Variants in ACSL5 observed in about 807,000 individuals in gnomAD.
ACSL5 encodes the protein long-chain-fatty-acid--CoA ligase 5.
In ACSL5, 50 loss-of-function variants were observed where a neutral mutation model predicts 84.9. The observed-to-expected ratio is 0.59, with a 90% CI of 0.47 to 0.75. ACSL5 has a LOEUF of 0.75. Ranked by LOEUF, ACSL5 falls within the 30% of genes least tolerant of loss-of-function variation. ACSL5 has a pLI of 0.00. For missense variants in ACSL5, 775 were observed against 830.4 expected, an observed-to-expected ratio of 0.93 and a Z score of 0.82; for synonymous variants, 280 against 300.7, an observed-to-expected ratio of 0.93 and a Z score of 0.71.
At chr10:112,407,928 T>C (rs568832263) in intron 5 of ACSL5, among the ~76,000 whole-genome samples, 1 of 152,276 alleles carries the variant, frequency 6.6e-6, no homozygotes, top group Admixed American at 6.5e-5. Flanking sequence ...TGTATTGCAG[T>C]TGTCCCTGTG....
intron 1 of ACSL5, 104 bp from the exon 2 acceptor site, chr10:112,394,814 G>C (rs1464798775): frequency 6.6e-7 from 1 of 1,521,242 alleles, no homozygotes; most frequent in Non-Finnish European, 8.8e-7. Flanking sequence ...GCGCGCGTGT[G>C]TGTGTGTATG....
At chr10:112,421,830 T>C in intron 15 of ACSL5, 117 bp from the exon 16 acceptor site, 1 of 1,322,656 alleles carries the variant, frequency 7.6e-7, no homozygotes. Context: ...TCTGCATTGG[T>C]GCCAGGTGAT....
chr10:112,402,582 T>G (rs2133610692), intron 3 of ACSL5, among the ~76,000 whole-genome samples: 1 of 152,356 alleles, frequency 6.6e-6, no homozygotes, highest in South Asian at 2.1e-4. Context: ...TGCAGCTGTT[T>G]CAATTGGAAG....
chr10:112,400,196 A>G (rs574888857), intron 3 of ACSL5, among the ~76,000 whole-genome samples: 6 of 152,216 alleles, frequency 3.9e-5, no homozygotes, highest in South Asian at 4.2e-4. Context: ...CTAATACAGT[A>G]TAATTTCCTT....
chr10:112,419,974 A>T (rs1844417534), intron 14 of ACSL5: 1 of 152,192 alleles, frequency 6.6e-6, no homozygotes, highest in African/African-American at 2.4e-5. Context: ...ATGGATAATT[A>T]GTTCATTCAT....
At chr10:112,425,309 A>G in intron 17 of ACSL5, 29 bp from the exon 18 acceptor site, 1 of 1,583,568 alleles carries the variant, frequency 6.3e-7, no homozygotes, top group Non-Finnish European at 8.6e-7. Context: ...TGGCTCAAAA[A>G]TACTGATACT....
chr10:112,391,913 A>G (rs546889790), intron 1 of ACSL5, among the ~76,000 whole-genome samples: 12 of 152,218 alleles, frequency 7.9e-5, no homozygotes, highest in African/African-American at 2.2e-4. Flanking sequence ...CTTTTCTCCC[A>G]TATGTATTAC....
Position 112,409,584 on chromosome 10 carries a change from C to A in ACSL5, c.610C>A (p.Pro204Thr). Reference protein sequence around the residue: ...LIGNVEKGFTPSLKVIILMDP... With the variant: ...LIGNVEKGFTTSLKVIILMDP... ...AGGGAATGTAGAGAAAGGCTTCACCCCGAGCCTGAAGGTGATCATCCTTAT... is the reference window on the plus strand; with the variant it reads ...AGGGAATGTAGAGAAAGGCTTCACCACGAGCCTGAAGGTGATCATCCTTAT... The change falls in exon 7 of 21, where the codon CCG (proline) becomes ACG (threonine). Residue 204 changes from proline (P) to threonine (T), a missense_variant. Coordinates refer to ENST00000354655, the MANE Select transcript of ACSL5 (RefSeq NM_203379.2). 6.2e-7 allele frequency: 1 copy of A among 1,614,100 alleles called. No individual in the cohort carries two copies. Among genetic ancestry groups the A allele is most frequent in the Non-Finnish European group, 8.5e-7 (1 of 1,179,992 alleles).
intron 1 of ACSL5, among the ~76,000 whole-genome samples, chr10:112,387,877 C>T (rs1849483886): frequency 6.9e-6 from 1 of 144,556 alleles, no homozygotes; most frequent in African/African-American, 2.6e-5. Context: ...TATTATTGCA[C>T]AAAAAAATAA....
chr10:112,395,089 C>CT lies in ACSL5; in HGVS notation c.144dup (p.Val49CysfsTer4). On this transcript the variant is annotated frameshift_variant, in exon 2 of 21. Transcript: ENST00000354655. LOFTEE classifies it high-confidence loss of function. ...CCTCTTCTTGACCTGAACAATCAGT[C>CT]TGTGGGAATTGAGGTAATTTACCAG... The CT allele has an allele frequency of 6.2e-7, 1 of 1,613,430 alleles. No homozygotes were observed. The highest frequency in any genetic ancestry group is 8.5e-7 in the Non-Finnish European group (1 of 1,179,572).
chr10:112,397,663 T>G (rs530641826), intron 2 of ACSL5, among the ~76,000 whole-genome samples: 11 of 152,228 alleles, frequency 7.2e-5, no homozygotes, highest in Non-Finnish European at 1.5e-4. Context: ...AAATACCATT[T>G]CTTCTCTGTA....
In ACSL5 at chr10:112,393,497, G is replaced by A. The variant is rs1843684649; in HGVS notation, c.-29-1421G>A. Among the ~76,000 whole-genome samples the A allele has an allele frequency of 2.0e-5, 3 of 152,178 alleles. No individual in the cohort carries two copies. The East Asian group carries it at 5.8e-4, about 29-fold the overall frequency. On this transcript the variant is annotated intron_variant, in intron 1 of 20. Transcript: ENST00000354655. ...CTTGTGGCCTTTCTTAGACTAGAGT[G>A]AAGTGTGTTTCCATTGTTAAAGATG...
intron 1 of ACSL5, among the ~76,000 whole-genome samples, chr10:112,388,830 G>C (rs1467734632): frequency 6.6e-6 from 1 of 152,178 alleles, no homozygotes; most frequent in African/African-American, 2.4e-5. Flanking sequence ...CATTTGAGGT[G>C]AGGCCTGACC....
intron 1 of ACSL5, among the ~76,000 whole-genome samples, chr10:112,385,938 A>G (rs1375310987): frequency 6.6e-6 from 1 of 152,092 alleles, no homozygotes; most frequent in African/African-American, 2.4e-5. Context: ...TCATTGTTTT[A>G]TACTTAAGTC....
At chr10:112,397,794 T>G (rs77971925) in intron 2 of ACSL5, among the ~76,000 whole-genome samples, 40 of 152,316 alleles carry the variant, frequency 2.6e-4, no homozygotes, top group Non-Finnish European at 5.3e-4. Context: ...GACCTACCCA[T>G]ACTCCAACAA....
chr10:112,418,107 G>A (rs923327291), intron 14 of ACSL5, among the ~76,000 whole-genome samples, 166 bp downstream of exon 14: 1 of 152,208 alleles, frequency 6.6e-6, no homozygotes, highest in Non-Finnish European at 1.5e-5. Flanking sequence ...GCATCTGTGT[G>A]TAGAAACCTT....
chr10:112,417,735 T>C, intron 13 of ACSL5, 111 bp from the exon 14 acceptor site: 1 of 809,796 alleles, frequency 1.2e-6, no homozygotes, highest in Middle Eastern at 2.7e-4. Context: ...AGAATTGATG[T>C]CAGTTTAATT....
At chr10:112,374,538 A>G (rs1257776110) in intron 1 of ACSL5, among the ~76,000 whole-genome samples, 1 of 152,222 alleles carries the variant, frequency 6.6e-6, no homozygotes, top group Non-Finnish European at 1.5e-5. Context: ...TGGTAAGTGT[A>G]CTAAAGCACA....
intron 1 of ACSL5, among the ~76,000 whole-genome samples, chr10:112,378,346 A>C (rs1351661169): frequency 6.9e-6 from 1 of 145,970 alleles, no homozygotes; most frequent in African/African-American, 2.6e-5. Flanking sequence ...TCCCCAGTTC[A>C]AGCAATTCTC....
Sources: gnomAD v4.1 joint callset for allele counts (sites outside exome capture counted in the v4.1 genomes callset) on GRCh38, gnomAD v4.1.1 for gene constraint, MANE v1.5 for transcripts, NCBI Gene and HGNC (gene_info 2026-07-23, HGNC 2026-07-21) for gene names.